The following WWOX variants were observed in gnomAD, a reference collection of about 807,000 sequenced individuals.
WWOX encodes WW domain-containing oxidoreductase.
A neutral mutation model predicts 46.2 loss-of-function variants in WWOX; 69 were observed. The observed-to-expected ratio is 1.49, with a 90% CI of 1.23 to 1.82. The LOEUF is 1.82. Among genes scored for constraint, WWOX ranks in the 40% most tolerant of loss-of-function variants. The pLI is 0.00. For synonymous variants in WWOX, 359 were observed against 202.6 expected (o/e 1.77, Z -6.56); for missense variants, 919 against 542.6 (o/e 1.69, Z -6.89).
chr16:78,979,982 G>A (rs985343419), intron 8 of WWOX, among the ~76,000 whole-genome samples: 1 of 152,082 alleles, frequency 6.6e-6, no homozygotes, highest in South Asian at 2.1e-4. Flanking sequence ...CAAAAAATTA[G>A]CTGGGTGTGT....
chr16:78,700,136 C>T (rs1445784293), intron 8 of WWOX, among the ~76,000 whole-genome samples: 4 of 151,370 alleles, frequency 2.6e-5, no homozygotes, highest in Admixed American at 1.3e-4. Flanking sequence ...CTGTCTTAGT[C>T]AGTCCAGGCT....
intron 5 of WWOX, among the ~76,000 whole-genome samples, chr16:78,249,626 A>G (rs1165300289): frequency 6.6e-6 from 1 of 152,158 alleles, no homozygotes. Flanking sequence ...AACTTGGGCT[A>G]CCCAACAGTG....
intron 8 of WWOX, among the ~76,000 whole-genome samples, chr16:78,602,059 G>A (rs2045635113): frequency 6.6e-6 from 1 of 152,138 alleles, no homozygotes; most frequent in Non-Finnish European, 1.5e-5. Context: ...ACTTCCTTAG[G>A]TTCCTGAAAT....
intron 8 of WWOX, among the ~76,000 whole-genome samples, chr16:79,167,336 G>A (rs1369078895): frequency 6.6e-6 from 1 of 152,192 alleles, no homozygotes; most frequent in Non-Finnish European, 1.5e-5. Flanking sequence ...ACTTCTGAGT[G>A]GTGAGTATAA....
At chr16:78,165,582 G>T (rs146672673) in intron 5 of WWOX, among the ~76,000 whole-genome samples, 10 of 152,240 alleles carry the variant, frequency 6.6e-5, no homozygotes, top group South Asian at 2.1e-4. Flanking sequence ...TGGGAGGAGG[G>T]GGAGGAGGAG....
chr16:78,243,213 A>G (rs79419559), intron 5 of WWOX, among the ~76,000 whole-genome samples: 1,722 of 152,262 alleles, frequency 0.011, 29 homozygotes, highest in African/African-American at 0.038. Flanking sequence ...CGTTTCTTCT[A>G]TAGTACATTA....
intron 8 of WWOX, among the ~76,000 whole-genome samples, chr16:78,915,041 T>C (rs916707666): frequency 3.3e-5 from 5 of 152,120 alleles, no homozygotes; most frequent in Admixed American, 6.6e-5. Flanking sequence ...TCACTTAGCC[T>C]GATCCACAAG....
At chr16:78,369,119 A>T (rs2151919609) in intron 5 of WWOX, among the ~76,000 whole-genome samples, 1 of 151,558 alleles carries the variant, frequency 6.6e-6, no homozygotes, top group Non-Finnish European at 1.5e-5. Flanking sequence ...TGTGATGTAC[A>T]CATTAAAGGA....
rs138635689 is a variant in WWOX at position 78,952,618 on chromosome 16, A to C, written c.1057-258990A>C. 2.9e-3 allele frequency among the ~76,000 whole-genome samples: 437 copies of C among 152,192 alleles called. 4 individuals are homozygous for C. Among genetic ancestry groups the C allele is most frequent in the African/African-American group, 0.01 (427 of 41,534 alleles). On this transcript the variant is annotated intron_variant, in intron 8 of 8. Transcript: ENST00000566780. ...AGCCTGGTCTTGAACTCTTGGCCTCAAGTGATCTGTCCACCTCTGCTTCCC... is the reference window on the plus strand; with the variant it reads ...AGCCTGGTCTTGAACTCTTGGCCTCCAGTGATCTGTCCACCTCTGCTTCCC...
chr16:78,934,077 G>A (rs1033749699), intron 8 of WWOX, among the ~76,000 whole-genome samples: 1 of 151,732 alleles, frequency 6.6e-6, no homozygotes, highest in Non-Finnish European at 1.5e-5. Context: ...GGCTCATGCT[G>A]GTAATCCCAG....
chr16:79,185,875 T>G lies in WWOX; in HGVS notation c.1057-25733T>G, dbSNP rs148680190. Among the ~76,000 whole-genome samples the G allele has an allele frequency of 1.7e-3, 257 of 152,244 alleles. 2 individuals are homozygous for G. The highest frequency in any genetic ancestry group is 0.015 in the South Asian group (70 of 4,812). ...AGTACTATAAAAAAGATAAATTTAGTGCTCAGATATCTGAGGCCTGATATT... is the reference window on the plus strand; with the variant it reads ...AGTACTATAAAAAAGATAAATTTAGGGCTCAGATATCTGAGGCCTGATATT... On this transcript the variant is annotated intron_variant, in intron 8 of 8. Coordinates refer to ENST00000566780, the MANE Select transcript of WWOX (RefSeq NM_016373.4).
intron 8 of WWOX, among the ~76,000 whole-genome samples, chr16:78,718,085 T>G (rs1597486500): frequency 6.6e-6 from 1 of 152,040 alleles, no homozygotes; most frequent in East Asian, 1.9e-4. Context: ...AACAAGGGGT[T>G]CTGGTGGTTG....
At chr16:78,661,593 T>A (rs2047214727) in intron 8 of WWOX, among the ~76,000 whole-genome samples, 1 of 149,808 alleles carries the variant, frequency 6.7e-6, no homozygotes, top group Admixed American at 6.8e-5. Context: ...AAGGTAGGAT[T>A]GTGTTGACAG....
chr16:79,133,828 A>G lies in WWOX; in HGVS notation c.1057-77780A>G, dbSNP rs139047209. On this transcript the variant is annotated intron_variant, in intron 8 of 8. Coordinates refer to ENST00000566780, the MANE Select transcript of WWOX (RefSeq NM_016373.4). The stretch of plus-strand genomic sequence containing the variant: ...GGATGTAATGAAATGACATTGGTCA[A>G]TCCTCAGTAAATGTTTTTTTCAAAG... 1.2e-4 allele frequency among the ~76,000 whole-genome samples: 18 copies of G among 152,330 alleles called. No individual in the cohort carries two copies. In the East Asian group the frequency reaches 3.3e-3, roughly 28 times the overall value.
intron 8 of WWOX, among the ~76,000 whole-genome samples, chr16:79,030,782 T>C (rs868108979): frequency 1.3e-5 from 2 of 152,202 alleles, no homozygotes; most frequent in African/African-American, 2.4e-5. Flanking sequence ...CAGACTGATA[T>C]TCTGAAGAAT....
intron 8 of WWOX, among the ~76,000 whole-genome samples, chr16:78,974,862 C>T (rs2046540642): frequency 1.3e-5 from 2 of 152,146 alleles, no homozygotes; most frequent in South Asian, 4.1e-4. Flanking sequence ...AGCTTCCTGT[C>T]CACTGGAGGC....
chr16:78,568,273 T>C (rs1036071473), intron 8 of WWOX, among the ~76,000 whole-genome samples: 1 of 151,948 alleles, frequency 6.6e-6, no homozygotes, highest in African/African-American at 2.4e-5. Flanking sequence ...GGGATGAAGA[T>C]GAGGGAGGAA....
intron 5 of WWOX, among the ~76,000 whole-genome samples, chr16:78,174,247 A>C (rs985845551): frequency 1.3e-5 from 2 of 152,228 alleles, no homozygotes; most frequent in Non-Finnish European, 2.9e-5. Context: ...GGCGAAAGGC[A>C]CTTCTTATAT....
chr16:78,602,896 C>T (rs1053716402), intron 8 of WWOX, among the ~76,000 whole-genome samples: 5 of 152,222 alleles, frequency 3.3e-5, no homozygotes, highest in Middle Eastern at 3.4e-3. Context: ...CTTGAATCTC[C>T]GCTCTGTCTT....
Sources: allele counts gnomAD v4.1 joint callset (sites outside exome capture counted in the v4.1 genomes callset), GRCh38; gene constraint gnomAD v4.1.1; transcripts MANE v1.5; gene names NCBI Gene and HGNC (gene_info 2026-07-23, HGNC 2026-07-21).